Variants in GPNMB observed in about 807,000 individuals in gnomAD.
The protein encoded by GPNMB is transmembrane glycoprotein NMB.
In GPNMB, 71 loss-of-function variants were observed where a neutral mutation model predicts 57.3. The ratio of observed to expected loss-of-function variants is 1.24; its 90% confidence interval spans 1.02 to 1.51. The LOEUF (loss-of-function observed/expected upper bound fraction) is 1.51. Among genes scored for constraint, GPNMB ranks in the 40% most tolerant of loss-of-function variants. The probability of loss-of-function intolerance (pLI) is 0.00; values close to 1 mark genes in which losing one functional copy is unlikely to be tolerated. For missense variants in GPNMB, 677 were observed against 691.9 expected (o/e 0.98, Z 0.24); for synonymous variants, 253 against 263.2 (o/e 0.96, Z 0.38).
intron 1 of GPNMB, among the ~76,000 whole-genome samples, chr7:23,251,633 T>C (rs1782664023): frequency 6.6e-6 from 1 of 152,234 alleles, no homozygotes; most frequent in Non-Finnish European, 1.5e-5. Flanking sequence ...TAGTTAAATA[T>C]GGCTGCCATA....
At chr7:23,256,095 G>A (rs1340678300) in intron 3 of GPNMB, among the ~76,000 whole-genome samples, 3 of 152,102 alleles carry the variant, frequency 2.0e-5, no homozygotes, top group South Asian at 2.1e-4. Flanking sequence ...TAGTAGAAAC[G>A]GGGTTTCACC....
intron 3 of GPNMB, among the ~76,000 whole-genome samples, chr7:23,254,883 G>C (rs1782739883): frequency 6.6e-6 from 1 of 152,146 alleles, no homozygotes; most frequent in African/African-American, 2.4e-5. Context: ...AAAAAACGGA[G>C]TTAATGGCCG....
Position 23,260,748 on chromosome 7 carries a change from A to T in GPNMB, c.993A>T (p.Arg331Ser), listed in dbSNP as rs1428424926. The T allele has an allele frequency of 1.3e-6, 2 of 1,558,798 alleles. No individual in the cohort carries two copies. Among genetic ancestry groups the T allele is most frequent in the Non-Finnish European group, 1.7e-6 (2 of 1,152,618 alleles). Residue 331 changes from arginine to serine, a missense_variant, in exon 6 of 11, where the codon AGA becomes AGT. Physicochemically the swap from Arg to Ser is moderately radical, Grantham distance 110. Transcript: ENST00000258733. ...GPCPPPPPPP[R>S]PSKPTPSLGP... is the part of the protein sequence containing the mutation. Reference sequence around the variant, plus strand: ...GTCCGCCACCGCCACCACCACCCAGACCTTCAAAACCCACCCCTTCTTTAG... The same window carrying T: ...GTCCGCCACCGCCACCACCACCCAGTCCTTCAAAACCCACCCCTTCTTTAG...
rs928420954 is a variant in GPNMB at position 23,273,670 on chromosome 7, A to C, written c.1523+56A>C. The C allele has an allele frequency of 2.3e-5, 25 of 1,108,286 alleles. No individual in the cohort carries two copies. In the African/African-American group the frequency reaches 3.4e-4, roughly 15 times the overall value. 68.7% of individuals were successfully genotyped at this position (1,108,286 alleles called of 1,614,324 possible). On this transcript the variant is annotated intron_variant, in intron 10 of 10. Coordinates refer to ENST00000258733, the MANE Select transcript of GPNMB (RefSeq NM_002510.3). ...CTATAGTGTATTGTCAAAAGTGAAT[A>C]TATCTCTGTGTAAATAGGCATTTTT...
At chr7:23,273,149 C>CT (rs1783250259) in intron 9 of GPNMB, 1 of 168,998 alleles carries the variant, frequency 5.9e-6, no homozygotes, top group South Asian at 1.7e-4. Context: ...GTATGGCCAA[C>CT]TTTCAGGATT....
intron 7 of GPNMB, 77 bp downstream of exon 7, chr7:23,266,692 G>A: frequency 7.3e-7 from 1 of 1,370,178 alleles, no homozygotes; most frequent in Non-Finnish European, 1.0e-6. Context: ...TGCTAACTCT[G>A]AAGGGGTAGA....
At chr7:23,253,591 G>A in intron 2 of GPNMB, 132 bp downstream of exon 2, 2 of 703,702 alleles carry the variant, frequency 2.8e-6, no homozygotes, top group South Asian at 2.1e-5. Flanking sequence ...CAAGTGGGGA[G>A]GCACCTGGAC....
chr7:23,252,056 A>G (rs1782673971), intron 1 of GPNMB, among the ~76,000 whole-genome samples: 1 of 152,314 alleles, frequency 6.6e-6, no homozygotes, highest in African/African-American at 2.4e-5. Flanking sequence ...AAAGAACTGT[A>G]ATATTACAAA....
chr7:23,267,780 A>C (rs1783103564), intron 7 of GPNMB, 106 bp from the exon 8 acceptor site: 1 of 823,490 alleles, frequency 1.2e-6, no homozygotes, highest in African/African-American at 1.7e-5. Flanking sequence ...TCAACATATG[A>C]ATTTCGGAGG....
intron 1 of GPNMB, among the ~76,000 whole-genome samples, chr7:23,251,913 C>T (rs1461945865): frequency 6.6e-6 from 1 of 152,150 alleles, no homozygotes; most frequent in African/African-American, 2.4e-5. Flanking sequence ...AGGAGGCGTG[C>T]AGGCGGGAAA....
intron 1 of GPNMB, among the ~76,000 whole-genome samples, chr7:23,250,265 G>T (rs1013765194): frequency 6.6e-6 from 1 of 152,096 alleles, no homozygotes; most frequent in Non-Finnish European, 1.5e-5. Flanking sequence ...AGAGAGCAAA[G>T]GTTTTTTATT....
At chr7:23,262,870 C>T (rs192219374) in intron 6 of GPNMB, among the ~76,000 whole-genome samples, 241 of 152,094 alleles carry the variant, frequency 1.6e-3, no homozygotes, top group African/African-American at 5.5e-3. Context: ...TCTACCCACC[C>T]CAGCCTTCCA....
At chr7:23,258,880 T>C (rs544913292) in intron 4 of GPNMB, among the ~76,000 whole-genome samples, 7 of 152,334 alleles carry the variant, frequency 4.6e-5, no homozygotes, top group Middle Eastern at 3.4e-3. Context: ...CACGGGGTCT[T>C]GAAACAACCC....
chr7:23,260,295 A>G (rs988588197), intron 5 of GPNMB, among the ~76,000 whole-genome samples, 157 bp downstream of exon 5: 2 of 152,220 alleles, frequency 1.3e-5, no homozygotes, highest in African/African-American at 2.4e-5. Flanking sequence ...TCTGTTTTCC[A>G]GAATAGCTTA....
In GPNMB at chr7:23,246,795, G is replaced by T. The variant is rs758274749; in HGVS notation, c.-63G>T. ...ATGCCAGAAGAACACTGTTGCTCTT[G>T]GTGGACGGGCCCAGAGGAATTCAGA... On this transcript the variant is annotated 5_prime_UTR_variant, in exon 1 of 11. Coordinates refer to ENST00000258733, the MANE Select transcript of GPNMB (RefSeq NM_002510.3). 8.4e-7 allele frequency: 1 copy of T among 1,192,912 alleles called. No individual in the cohort carries two copies. Among genetic ancestry groups the T allele is most frequent in the African/African-American group, 1.5e-5 (1 of 66,896 alleles). The allele number at this position is 1,192,912 out of a possible 1,614,324, so 73.9% of individuals were successfully genotyped here.
rs759467497 is a variant in GPNMB at position 23,267,887 on chromosome 7, G to C, written c.1119G>C (p.Glu373Asp). The C allele has an allele frequency of 6.6e-5, 105 of 1,597,400 alleles. 1 individual carries two copies. The Middle Eastern group carries it at 8.3e-4, about 13-fold the overall frequency. ...GHFQATITIV[E>D]GILEVNIIQM... Reference sequence around the variant, plus strand: ...TTTCTCTGGGGGTTATTTTGTTAGAGGGAATCTTAGAGGTTAACATCATCC... The same window carrying C: ...TTTCTCTGGGGGTTATTTTGTTAGACGGAATCTTAGAGGTTAACATCATCC... Residue 373 changes from glutamate (E) to aspartate (D), a missense_variant and splice_region_variant, in exon 8 of 11, where the codon GAG (glutamate) becomes GAC (aspartate). Physicochemically the swap from Glu to Asp is conservative, Grantham distance 45. Coordinates refer to ENST00000258733, the MANE Select transcript of GPNMB (RefSeq NM_002510.3).
Position 23,266,598 on chromosome 7 carries a change from C to A in GPNMB, c.1100C>A (p.Ala367Asp). Residue 367 changes from alanine to aspartate, a missense_variant, in exon 7 of 11, where the codon GCC (alanine) becomes GAC (aspartate). Transcript: ENST00000258733. The stretch of plus-strand genomic sequence containing the variant: ...ATTAACAGATATGGCCACTTTCAAG[C>A]CACCATCACAATTGTAGGTAAGGCT... Reference protein sequence around the residue: ...CQINRYGHFQATITIVEGILE... With the variant: ...CQINRYGHFQDTITIVEGILE... The A allele has an allele frequency of 3.1e-6, 5 of 1,613,870 alleles. No homozygotes were observed. Among genetic ancestry groups the A allele is most frequent in the Non-Finnish European group, 4.2e-6 (5 of 1,179,838 alleles).
chr7:23,273,689 C>A, intron 10 of GPNMB, 75 bp downstream of exon 10: 2 of 971,020 alleles, frequency 2.1e-6, no homozygotes, highest in Non-Finnish European at 3.3e-6. Context: ...TGTAAATAGG[C>A]ATTTTTCCCT....
At chr7:23,249,744 T>C (rs957943227) in intron 1 of GPNMB, among the ~76,000 whole-genome samples, 6 of 152,336 alleles carry the variant, frequency 3.9e-5, no homozygotes, top group South Asian at 2.1e-4. Flanking sequence ...ATTTGGGCTA[T>C]TATGAATAAA....
Sources: allele counts gnomAD v4.1 joint callset (sites outside exome capture counted in the v4.1 genomes callset), GRCh38; gene constraint gnomAD v4.1.1; transcripts MANE v1.5; gene names NCBI Gene and HGNC (gene_info 2026-07-23, HGNC 2026-07-21).